Variants in FARS2 observed in about 807,000 individuals in gnomAD.
FARS2 encodes phenylalanyl-tRNA synthetase 2, mitochondrial.
A neutral mutation model predicts 46.4 loss-of-function variants in FARS2; 40 were observed. The ratio of observed to expected loss-of-function variants is 0.86; its 90% CI spans 0.67 to 1.12. FARS2 has a LOEUF of 1.12. FARS2 is among the 50% of genes most tolerant of loss of function. FARS2 has a pLI of 0.00. For missense variants in FARS2, 513 were observed against 567.9 expected, an observed-to-expected ratio of 0.90 and a Z score of 0.98; for synonymous variants, 234 against 214.9, an observed-to-expected ratio of 1.09 and a Z score of -0.78.
At chr6:5,274,770 G>T (rs143565766) in intron 1 of FARS2, among the ~76,000 whole-genome samples, 3 of 152,124 alleles carry the variant, frequency 2.0e-5, no homozygotes, top group Non-Finnish European at 4.4e-5. Flanking sequence ...GAGTGCAGTG[G>T]CACAGTCATG....
At chr6:5,625,682 G>A (rs1775996195) in intron 6 of FARS2, among the ~76,000 whole-genome samples, 1 of 152,220 alleles carries the variant, frequency 6.6e-6, no homozygotes, top group Admixed American at 6.5e-5. Context: ...TAGGGGGACA[G>A]CGATCCAGTC....
intron 1 of FARS2, among the ~76,000 whole-genome samples, chr6:5,339,382 AT>A (rs1206462609): frequency 6.6e-6 from 1 of 152,138 alleles, no homozygotes; most frequent in Non-Finnish European, 1.5e-5. Context: ...AAGTTAGCAA[AT>A]TTTTTGTTTA....
At chr6:5,341,271 G>A (rs1219963666) in intron 1 of FARS2, among the ~76,000 whole-genome samples, 5 of 81,032 alleles carry the variant, frequency 6.2e-5, no homozygotes, top group African/African-American at 2.2e-4. Flanking sequence ...TGTGAGAGCA[G>A]TTGTTTTGAG....
chr6:5,358,362 T>C (rs1013888381), intron 1 of FARS2, among the ~76,000 whole-genome samples: 1 of 152,146 alleles, frequency 6.6e-6, no homozygotes, highest in African/African-American at 2.4e-5. Flanking sequence ...TTATGGATAA[T>C]TAATTATGCC....
At chr6:5,672,920 A>C (rs1341400717) in intron 6 of FARS2, among the ~76,000 whole-genome samples, 5 of 152,206 alleles carry the variant, frequency 3.3e-5, no homozygotes, top group African/African-American at 4.8e-5. Context: ...CTGCAATTAA[A>C]GAGCCCTCTG....
At chr6:5,677,126 T>G (rs1407006847) in intron 6 of FARS2, among the ~76,000 whole-genome samples, 1 of 152,250 alleles carries the variant, frequency 6.6e-6, no homozygotes, top group Non-Finnish European at 1.5e-5. Flanking sequence ...TGATTAATTT[T>G]TATATAACCA....
At chr6:5,515,882 TA>T (rs1439950415) in intron 4 of FARS2, among the ~76,000 whole-genome samples, 130 of 152,370 alleles carry the variant, frequency 8.5e-4, no homozygotes, top group African/African-American at 3.1e-3. Context: ...TTACGTTTAG[TA>T]ATTTATATCA....
intron 6 of FARS2, among the ~76,000 whole-genome samples, chr6:5,672,947 C>T (rs550931899): frequency 5.3e-5 from 8 of 152,174 alleles, no homozygotes; most frequent in Non-Finnish European, 7.3e-5. Context: ...CTTTCTGTGA[C>T]ACCCTAGCCA....
chr6:5,428,745 A>G (rs893005832), intron 3 of FARS2, among the ~76,000 whole-genome samples: 7 of 152,180 alleles, frequency 4.6e-5, no homozygotes, highest in Non-Finnish European at 8.8e-5. Context: ...TTCTTCTCAG[A>G]ATACAGTCCC....
At chr6:5,351,432 T>C (rs1757565876) in intron 1 of FARS2, among the ~76,000 whole-genome samples, 2 of 152,232 alleles carry the variant, frequency 1.3e-5, no homozygotes, top group Non-Finnish European at 2.9e-5. Context: ...ACCTGAAATT[T>C]AGCAAGCCCA....
chr6:5,316,563 A>G (rs766735668), intron 1 of FARS2, among the ~76,000 whole-genome samples: 1 of 152,222 alleles, frequency 6.6e-6, no homozygotes, highest in Non-Finnish European at 1.5e-5. Flanking sequence ...GACCGGAAGC[A>G]GAAGTCCAAG....
At chr6:5,567,785 A>C (rs1023165259) in intron 5 of FARS2, among the ~76,000 whole-genome samples, 5 of 152,250 alleles carry the variant, frequency 3.3e-5, no homozygotes, top group African/African-American at 1.2e-4. Flanking sequence ...AGAGATCTGA[A>C]ATTTAGAGGC....
intron 6 of FARS2, among the ~76,000 whole-genome samples, chr6:5,716,549 A>C (rs1305520513): frequency 1.3e-5 from 2 of 152,216 alleles, no homozygotes; most frequent in Non-Finnish European, 2.9e-5. Flanking sequence ...AGCAAACACC[A>C]GCAGGTGTCC....
intron 6 of FARS2, among the ~76,000 whole-genome samples, chr6:5,654,835 C>T (rs1777534217): frequency 6.6e-6 from 1 of 152,160 alleles, no homozygotes. Flanking sequence ...ACCAACCTCT[C>T]CTCTTCCTCC....
At chr6:5,573,365 G>A (rs1772767693) in intron 5 of FARS2, among the ~76,000 whole-genome samples, 1 of 152,128 alleles carries the variant, frequency 6.6e-6, no homozygotes, top group East Asian at 1.9e-4. Flanking sequence ...AAGCCAGCCA[G>A]CCCTCTTTCC....
In FARS2 at chr6:5,491,540, C is replaced by G. The variant is rs534683040; in HGVS notation, c.905-53640C>G. Among the ~76,000 whole-genome samples the G allele has an allele frequency of 2.0e-3, 305 of 152,306 alleles. 2 individuals carry two copies. The highest frequency in any genetic ancestry group is 7.0e-3 in the African/African-American group (293 of 41,572). ...CCTGCACTCAAAACGTTTTCCGTAT[C>G]ATTAATCACTTCCCTGTCTCTTGCC... On this transcript the variant is annotated intron_variant, in intron 4 of 6. Coordinates refer to ENST00000274680, the MANE Select transcript of FARS2 (RefSeq NM_006567.5).
intron 1 of FARS2, among the ~76,000 whole-genome samples, chr6:5,363,247 T>C (rs970755412): frequency 2.6e-5 from 4 of 152,102 alleles, no homozygotes; most frequent in African/African-American, 9.7e-5. Flanking sequence ...TTTTAAGTTA[T>C]TTGCTTTCTT....
chr6:5,302,246 A>G (rs1281750019), intron 1 of FARS2, among the ~76,000 whole-genome samples: 1 of 152,158 alleles, frequency 6.6e-6, no homozygotes, highest in Non-Finnish European at 1.5e-5. Context: ...TCTGTCTGCA[A>G]AACATGTTAA....
chr6:5,415,402 C>T (rs1425267734), intron 3 of FARS2, among the ~76,000 whole-genome samples: 2 of 146,314 alleles, frequency 1.4e-5, no homozygotes, highest in Admixed American at 7.0e-5. Flanking sequence ...GCAACCTCCA[C>T]CTCCTGGGTT....
Sources: gnomAD v4.1 joint callset for allele counts (sites outside exome capture counted in the v4.1 genomes callset) on GRCh38, gnomAD v4.1.1 for gene constraint, MANE v1.5 for transcripts, NCBI Gene and HGNC (gene_info 2026-07-23, HGNC 2026-07-21) for gene names.